ACAD10: variants seen among roughly 807,000 people sequenced by gnomAD.
ACAD10 encodes the protein acyl-CoA dehydrogenase family member 10, also known as ACAD-10.
ACAD10 carries 112 observed loss-of-function variants against 116.8 expected under a neutral mutation model. The ratio of observed to expected loss-of-function variants is 0.96; its 90% confidence interval spans 0.82 to 1.12. The LOEUF is 1.12. Ranked by LOEUF, ACAD10 falls within the 50% of genes most tolerant of loss-of-function variation. ACAD10 has a pLI of 0.00. For synonymous variants in ACAD10, 486 were observed against 510.6 expected (o/e 0.95, Z 0.65); for missense variants, 1,259 against 1,350.2 (o/e 0.93, Z 1.06).
At chr12:111,688,665 T>A (rs1887951153) in intron 1 of ACAD10, among the ~76,000 whole-genome samples, 1 of 151,630 alleles carries the variant, frequency 6.6e-6, no homozygotes, top group African/African-American at 2.4e-5. Flanking sequence ...ATTAGCTGGA[T>A]GTGGTGGCGA....
intron 4 of ACAD10, among the ~76,000 whole-genome samples, chr12:111,709,008 G>A (rs1389033635): frequency 6.7e-6 from 1 of 149,846 alleles, no homozygotes. Context: ...CACTAAGTTC[G>A]TATTTATTTT....
intron 8 of ACAD10, among the ~76,000 whole-genome samples, chr12:111,723,240 G>A (rs1447516559): frequency 3.0e-5 from 4 of 133,332 alleles, no homozygotes; most frequent in African/African-American, 8.4e-5. Context: ...CCGGGCAGAG[G>A]GGCTCCTCAC....
intron 4 of ACAD10, among the ~76,000 whole-genome samples, chr12:111,708,002 C>G (rs754059520): frequency 2.6e-5 from 4 of 152,218 alleles, no homozygotes; most frequent in Admixed American, 6.5e-5. Flanking sequence ...CAGATTCTGT[C>G]CATGCTTTTC....
At chr12:111,749,133 A>ACTAT (rs1428648890) in intron 17 of ACAD10, 40 bp from the exon 18 acceptor site, 1 of 1,613,682 alleles carries the variant, frequency 6.2e-7, no homozygotes, top group Non-Finnish European at 8.5e-7. Flanking sequence ...AAGGAAAATG[A>ACTAT]CTATGGCTAT....
chr12:111,708,417 A>G (rs1593023442), intron 4 of ACAD10, among the ~76,000 whole-genome samples: 2 of 149,774 alleles, frequency 1.3e-5, no homozygotes. Flanking sequence ...TGTCTGAAAC[A>G]CCCTGCTTCT....
chr12:111,737,706 T>C (rs558368850), intron 12 of ACAD10, among the ~76,000 whole-genome samples: 25 of 152,300 alleles, frequency 1.6e-4, no homozygotes, highest in African/African-American at 6.0e-4. Flanking sequence ...TCTCTCCTCC[T>C]ACTTTTACAC....
rs374399374 is a variant in ACAD10, at chr12:111,746,201, G to C, written c.2173G>C (p.Glu725Gln). ...TTTCCTACCCTTAGAGGCTGATCCC[G>C]AGAAAAAATACGGAGCAGGACTGAC... ...NLFLPLEADPEKKYGAGLTNV... is the reference protein window; with the variant it reads ...NLFLPLEADPQKKYGAGLTNV... Residue 725 changes from glutamate to glutamine, a missense_variant, in exon 14 of 21, where the codon GAG becomes CAG. Physicochemically the swap from Glu to Gln is conservative, Grantham distance 29. Coordinates refer to ENST00000313698, the MANE Select transcript of ACAD10 (RefSeq NM_025247.6). 14 of 1,613,744 alleles carry C rather than the reference G, an allele frequency of 8.7e-6. No homozygotes were observed. Among genetic ancestry groups the C allele is most frequent in the Non-Finnish European group, 1.1e-5 (13 of 1,179,964 alleles).
intron 4 of ACAD10, among the ~76,000 whole-genome samples, chr12:111,709,183 C>T (rs1486965251): frequency 2.0e-5 from 3 of 152,070 alleles, no homozygotes; most frequent in African/African-American, 7.2e-5. Context: ...ATTTAAGTTT[C>T]ACAACTTACT....
At chr12:111,697,891 T>C (rs1888234811) in intron 2 of ACAD10, among the ~76,000 whole-genome samples, 1 of 151,216 alleles carries the variant, frequency 6.6e-6, no homozygotes, top group Non-Finnish European at 1.5e-5. Flanking sequence ...GCCTTTTTTT[T>C]CCTGTTATTT....
At chr12:111,712,722 C>G in intron 6 of ACAD10, 65 bp downstream of exon 6, 9 of 1,531,546 alleles carry the variant, frequency 5.9e-6, no homozygotes, top group Non-Finnish European at 8.0e-6. Flanking sequence ...CTGTTTCTCA[C>G]TTTTCAACCC....
chr12:111,734,098 G>A (rs1385167593), intron 11 of ACAD10, 30 bp downstream of exon 11: 3 of 1,613,426 alleles, frequency 1.9e-6, no homozygotes, highest in South Asian at 1.1e-5. Flanking sequence ...GATAGTGGGG[G>A]AGCAAGCCAG....
chr12:111,713,131 T>C (rs1888740058), intron 6 of ACAD10, among the ~76,000 whole-genome samples: 1 of 151,334 alleles, frequency 6.6e-6, no homozygotes, highest in African/African-American at 2.4e-5. Flanking sequence ...GCTAACTTGG[T>C]GAAACCCTGT....
chr12:111,754,380 A>G (rs1384050762), intron 19 of ACAD10, among the ~76,000 whole-genome samples: 2 of 152,214 alleles, frequency 1.3e-5, no homozygotes, highest in African/African-American at 4.8e-5. Flanking sequence ...ATGCAGTGGT[A>G]CATCATGGCT....
At position 111,744,809 on chromosome 12, in the gene ACAD10, G is replaced by A. The variant is rs1463234842; in HGVS notation, c.1881G>A (p.Gln627=). The change falls in exon 13 of 21, where the codon CAG becomes CAA. Residue 627 remains glutamine (Q), a synonymous_variant. Transcript: ENST00000313698. Reference sequence around the variant, plus strand: ...ACACGTGGGCCAGGCCCCAGTCCCAGTGGTGCCCCACAGGCAGCAGGAGTT... The same window carrying A: ...ACACGTGGGCCAGGCCCCAGTCCCAATGGTGCCCCACAGGCAGCAGGAGTT... ...SYHTWARPQS[Q]WCPTGSRSYS... 6.2e-7 allele frequency: 1 copy of A among 1,614,232 alleles called. No individual in the cohort carries two copies. The highest frequency in any genetic ancestry group is 1.7e-5 in the Admixed American group (1 of 60,024).
At chr12:111,755,455 G>A (rs910412518) in intron 19 of ACAD10, among the ~76,000 whole-genome samples, 1 of 152,022 alleles carries the variant, frequency 6.6e-6, no homozygotes, top group African/African-American at 2.4e-5. Flanking sequence ...AGGCTTGAGT[G>A]CAGTGTTGCA....
chr12:111,744,543 C>G, intron 12 of ACAD10, 100 bp from the exon 13 acceptor site: 1 of 1,441,352 alleles, frequency 6.9e-7, no homozygotes, highest in Non-Finnish European at 9.4e-7. Context: ...AAGTGCTCAG[C>G]AAATGGCAAT....
intron 8 of ACAD10, among the ~76,000 whole-genome samples, chr12:111,726,486 C>G (rs183077487): frequency 6.6e-6 from 1 of 152,062 alleles, no homozygotes; most frequent in Non-Finnish European, 1.5e-5. Flanking sequence ...TAATTCATTT[C>G]TTTTTTTAAG....
At chr12:111,748,842 C>G in intron 17 of ACAD10, 1 of 723,942 alleles carries the variant, frequency 1.4e-6, no homozygotes, top group Non-Finnish European at 2.2e-6. Context: ...GTTTGGTTCT[C>G]TGCTAATAGT....
At chr12:111,723,367 G>A (rs1306003771) in intron 8 of ACAD10, among the ~76,000 whole-genome samples, 1 of 138,910 alleles carries the variant, frequency 7.2e-6, no homozygotes, top group Non-Finnish European at 1.6e-5. Context: ...TCCAGGCGGG[G>A]GGCTGACCCC....
Sources: gnomAD v4.1 joint callset for allele counts (sites outside exome capture counted in the v4.1 genomes callset) on GRCh38, gnomAD v4.1.1 for gene constraint, MANE v1.5 for transcripts, NCBI Gene and HGNC (gene_info 2026-07-23, HGNC 2026-07-21) for gene names.